SAMD3: variants seen among roughly 807,000 people sequenced by gnomAD.
SAMD3 encodes the protein sterile alpha motif domain containing 3, also known as sterile alpha motif domain-containing protein 3.
Under a neutral mutation model 58.5 loss-of-function variants are expected in SAMD3, and 63 were observed. The observed-to-expected ratio is 1.08, with a 90% CI of 0.88 to 1.33. SAMD3 has a LOEUF of 1.33. SAMD3 is among the 40% of genes most tolerant of loss of function. The pLI, the probability that SAMD3 is intolerant of heterozygous loss-of-function variation, is 0.00. For missense variants in SAMD3, 604 were observed against 608.4 expected (o/e 0.99, Z 0.08); for synonymous variants, 220 against 210.3 (o/e 1.05, Z -0.40).
chr6:130,230,795 G>A (rs144082547), intron 2 of SAMD3, among the ~76,000 whole-genome samples: 2 of 152,304 alleles, frequency 1.3e-5, no homozygotes, highest in East Asian at 3.9e-4. Flanking sequence ...AACATATTCC[G>A]ACCTGCTTAC....
At chr6:130,269,109 C>T (rs1021626391) in intron 2 of SAMD3, among the ~76,000 whole-genome samples, 1 of 152,082 alleles carries the variant, frequency 6.6e-6, no homozygotes, top group Non-Finnish European at 1.5e-5. Context: ...GTCCGTGATC[C>T]ATTTTTGAAT....
chr6:130,299,476 A>G (rs946651326), intron 2 of SAMD3, among the ~76,000 whole-genome samples: 1 of 152,190 alleles, frequency 6.6e-6, no homozygotes, highest in African/African-American at 2.4e-5. Context: ...CAGTATTAAG[A>G]GAAAAGTTTA....
upstream of SAMD3, among the ~76,000 whole-genome samples, chr6:130,224,246 T>C (rs1796321899): frequency 6.6e-6 from 1 of 151,968 alleles, no homozygotes; most frequent in South Asian, 2.1e-4. Context: ...CCCGCTAGGG[T>C]CTCAGGGTTT....
At chr6:130,349,655 G>A (rs1777589041) in intron 1 of SAMD3, among the ~76,000 whole-genome samples, 1 of 152,146 alleles carries the variant, frequency 6.6e-6, no homozygotes, top group Non-Finnish European at 1.5e-5. Context: ...GGAGGAGCTG[G>A]TACCATTCCT....
chr6:130,277,728 C>G (rs1774829574), intron 2 of SAMD3, among the ~76,000 whole-genome samples: 1 of 152,082 alleles, frequency 6.6e-6, no homozygotes, highest in Admixed American at 6.5e-5. Flanking sequence ...ACAAGCAATC[C>G]TCTAATGTTA....
At chr6:130,330,265 G>T (rs935578616) in intron 1 of SAMD3, among the ~76,000 whole-genome samples, 3 of 152,110 alleles carry the variant, frequency 2.0e-5, no homozygotes, top group Non-Finnish European at 4.4e-5. Context: ...ACGTAATAGA[G>T]GGCATCCTAT....
intron 2 of SAMD3, among the ~76,000 whole-genome samples, chr6:130,281,386 G>C (rs1276393080): frequency 6.6e-6 from 1 of 152,124 alleles, no homozygotes; most frequent in African/African-American, 2.4e-5. Context: ...CACCACTGGG[G>C]ATGTTAAATT....
At chr6:130,335,290 A>G (rs2115017107) in intron 1 of SAMD3, among the ~76,000 whole-genome samples, 1 of 152,290 alleles carries the variant, frequency 6.6e-6, no homozygotes, top group Admixed American at 6.5e-5. Flanking sequence ...CCCAACCAAC[A>G]CTAACTCTCC....
At chr6:130,365,147 C>A (rs1778100846) in exon 1 of SAMD3, 13 of 981,148 alleles carry the variant, frequency 1.3e-5, no homozygotes, top group Admixed American at 6.1e-5. Context: ...ATACAGTCAT[C>A]ACCGTCTTTG....
At chr6:130,302,703 C>A (rs1002131998) in intron 2 of SAMD3, among the ~76,000 whole-genome samples, 1 of 152,072 alleles carries the variant, frequency 6.6e-6, no homozygotes, top group African/African-American at 2.4e-5. Flanking sequence ...GTGGGTTCGA[C>A]AAGGAAAATG....
chr6:130,350,578 C>G (rs1303836328), intron 1 of SAMD3, among the ~76,000 whole-genome samples: 1 of 152,120 alleles, frequency 6.6e-6, no homozygotes, highest in African/African-American at 2.4e-5. Context: ...AAAGAGGATA[C>G]AAACAAATGG....
intron 2 of SAMD3, among the ~76,000 whole-genome samples, chr6:130,254,424 G>A (rs1773856866): frequency 6.6e-6 from 1 of 151,948 alleles, no homozygotes; most frequent in South Asian, 2.1e-4. Flanking sequence ...TCGAACTCCC[G>A]ACCTCAGGTT....
chr6:130,173,766 A>G (rs1412513005), intron 8 of SAMD3, among the ~76,000 whole-genome samples: 1 of 152,240 alleles, frequency 6.6e-6, no homozygotes, highest in Non-Finnish European at 1.5e-5. Flanking sequence ...GCAGGCAGGA[A>G]GGATTAAAGC....
At chr6:130,166,863 G>A (rs1790777489) in intron 8 of SAMD3, among the ~76,000 whole-genome samples, 1 of 152,206 alleles carries the variant, frequency 6.6e-6, no homozygotes, top group East Asian at 1.9e-4. Flanking sequence ...GCATTTTGAA[G>A]GCTAGATAAT....
chr6:130,294,131 CATT>C (rs1269464210), intron 2 of SAMD3, among the ~76,000 whole-genome samples: 1 of 152,134 alleles, frequency 6.6e-6, no homozygotes, highest in African/African-American at 2.4e-5. Flanking sequence ...AGCAAGAATA[CATT>C]ATGATTTTTT....
chr6:130,342,729 T>G (rs1156971317), intron 1 of SAMD3, among the ~76,000 whole-genome samples: 1 of 152,216 alleles, frequency 6.6e-6, no homozygotes, highest in African/African-American at 2.4e-5. Flanking sequence ...GTGGTAAATT[T>G]TATATGTAAC....
rs141604871 is a variant in SAMD3 at position 130,236,736 on chromosome 6, C to T, written c.-187-13923G>A. 2.2e-4 allele frequency among the ~76,000 whole-genome samples: 34 copies of T among 152,264 alleles called. 1 individual carries two copies. In the East Asian group the frequency reaches 6.2e-3, roughly 28 times the overall value. On this transcript the variant is annotated intron_variant, in intron 2 of 13. Transcript: ENST00000368134. Reference sequence around the variant, plus strand: ...TCATGACCAGTTTATATTATGTAATCAGTAGTGCTGGTTATTTCATTAGAT... The same window carrying T: ...TCATGACCAGTTTATATTATGTAATTAGTAGTGCTGGTTATTTCATTAGAT...
chr6:130,150,787 C>G (rs1188659704), intron 9 of SAMD3, among the ~76,000 whole-genome samples: 1 of 151,590 alleles, frequency 6.6e-6, no homozygotes, highest in Non-Finnish European at 1.5e-5. Context: ...TCTCGGCTCA[C>G]TATAGCCTCT....
At chr6:130,182,245 T>C (rs922902565) in intron 7 of SAMD3, among the ~76,000 whole-genome samples, 24 of 125,976 alleles carry the variant, frequency 1.9e-4, no homozygotes, top group African/African-American at 7.2e-4. Context: ...GTTGCCTTGT[T>C]TTTTTTCCTT....
Sources: gnomAD v4.1 joint callset for allele counts (sites outside exome capture counted in the v4.1 genomes callset) on GRCh38, gnomAD v4.1.1 for gene constraint, MANE v1.5 for transcripts, NCBI Gene and HGNC (gene_info 2026-07-23, HGNC 2026-07-21) for gene names.